DNA2: variants seen among roughly 807,000 people sequenced by gnomAD.
The protein encoded by DNA2 is DNA replication ATP-dependent helicase/nuclease DNA2.
In DNA2, 101 loss-of-function variants were observed where a neutral mutation model predicts 119.1. The observed-to-expected ratio is 0.85, with a 90% CI of 0.72 to 1.00. The LOEUF is 1.00. DNA2 is among the 50% of genes least tolerant of loss of function. The pLI is 0.00. For synonymous variants in DNA2, 366 were observed against 424.4 expected (o/e 0.86, Z 1.69); for missense variants, 1,121 against 1,255.5 (o/e 0.89, Z 1.62).
intron 14 of DNA2, among the ~76,000 whole-genome samples, chr10:68,423,099 T>C (rs1300781794): frequency 6.6e-6 from 1 of 152,160 alleles, no homozygotes; most frequent in Non-Finnish European, 1.5e-5. Flanking sequence ...CCAGACACTA[T>C]TGAACAATGC....
At chr10:68,464,684 C>A (rs1246349754) in intron 4 of DNA2, among the ~76,000 whole-genome samples, 2 of 151,514 alleles carry the variant, frequency 1.3e-5, no homozygotes, top group Non-Finnish European at 2.9e-5. Context: ...ACAAAATTAG[C>A]CAGGCGTGGT....
chr10:68,456,679 A>G (rs1337924478), intron 5 of DNA2, among the ~76,000 whole-genome samples: 1 of 152,076 alleles, frequency 6.6e-6, no homozygotes, highest in Non-Finnish European at 1.5e-5. Context: ...CCAAAAGTGC[A>G]GGGATTACAG....
chr10:68,425,220 G>A (rs1251646488), intron 14 of DNA2, among the ~76,000 whole-genome samples: 4 of 144,028 alleles, frequency 2.8e-5, no homozygotes, highest in Admixed American at 1.4e-4. Flanking sequence ...TAAGCCTCCC[G>A]AGTAGCTGGG....
chr10:68,464,397 C>T (rs1447208370), intron 4 of DNA2, among the ~76,000 whole-genome samples: 1 of 152,090 alleles, frequency 6.6e-6, no homozygotes, highest in East Asian at 1.9e-4. Flanking sequence ...TGCCTGTAAT[C>T]CCAGCTACTC....
At chr10:68,458,152 G>A (rs938992417) in intron 5 of DNA2, among the ~76,000 whole-genome samples, 1 of 149,666 alleles carries the variant, frequency 6.7e-6, no homozygotes, top group African/African-American at 2.5e-5. Context: ...CAGCCTGGGG[G>A]ACATAATGAG....
intron 4 of DNA2, among the ~76,000 whole-genome samples, chr10:68,459,965 T>A (rs1407070970): frequency 6.6e-6 from 1 of 150,650 alleles, no homozygotes; most frequent in Non-Finnish European, 1.5e-5. Context: ...AGGCAGAGGT[T>A]GCAGTGAGCT....
chr10:68,416,519 G>C, intron 20 of DNA2, 190 bp downstream of exon 20: 1 of 535,896 alleles, frequency 1.9e-6, no homozygotes, highest in Non-Finnish European at 3.4e-6. Context: ...ATTAAAAAAG[G>C]GTTATAGGCT....
At chr10:68,427,240 C>G (rs1348363844) in intron 14 of DNA2, among the ~76,000 whole-genome samples, 1 of 151,902 alleles carries the variant, frequency 6.6e-6, no homozygotes, top group East Asian at 1.9e-4. Context: ...TGCCTGTAAT[C>G]CCAGCTACTT....
intron 3 of DNA2, among the ~76,000 whole-genome samples, chr10:68,466,572 G>T (rs1004000647): frequency 6.9e-6 from 1 of 145,788 alleles, no homozygotes; most frequent in Non-Finnish European, 1.5e-5. Flanking sequence ...TCTTGTATTA[G>T]CCTAGACCTT....
intron 14 of DNA2, among the ~76,000 whole-genome samples, chr10:68,426,764 G>A (rs34735478): frequency 0.07 from 10,681 of 151,662 alleles, 559 homozygotes; most frequent in African/African-American, 0.15. Flanking sequence ...GCGTGAACCC[G>A]GGAGGCAGAG....
chr10:68,440,190 G>A (rs2133393115), intron 9 of DNA2, among the ~76,000 whole-genome samples: 1 of 151,890 alleles, frequency 6.6e-6, no homozygotes, highest in South Asian at 2.1e-4. Context: ...TGTAAACCCA[G>A]CTTCTTGGGA....
intron 5 of DNA2, among the ~76,000 whole-genome samples, chr10:68,457,525 T>C (rs1369447577): frequency 6.6e-6 from 1 of 152,158 alleles, no homozygotes; most frequent in Admixed American, 6.6e-5. Flanking sequence ...CGGCACTGCA[T>C]TAATCACAGT....
chr10:68,441,188 A>T (rs1468961133), intron 9 of DNA2, among the ~76,000 whole-genome samples: 1 of 151,598 alleles, frequency 6.6e-6, no homozygotes, highest in African/African-American at 2.4e-5. Context: ...AAGTTAGCCA[A>T]GTTTGGTGGT....
At chr10:68,470,250 G>T in intron 1 of DNA2, 87 bp from the exon 2 acceptor site, 1 of 1,173,416 alleles carries the variant, frequency 8.5e-7, no homozygotes. Context: ...CAATCTTCCA[G>T]TTTTCTAGGT....
chr10:68,433,772 A>T (rs2051852166), intron 10 of DNA2, among the ~76,000 whole-genome samples: 1 of 152,116 alleles, frequency 6.6e-6, no homozygotes, highest in African/African-American at 2.4e-5. Flanking sequence ...GATACGTAAG[A>T]CATTCTATGA....
Position 68,471,875 on chromosome 10 carries a change from G to A in DNA2, c.-11C>T. On this transcript the variant is annotated 5_prime_UTR_variant, in exon 1 of 21. Transcript: ENST00000358410. Reference sequence around the variant, plus strand: ...GTTCAGCTGCTCCATCCTGGACGCGGGGATCGCAAACTGTAGACAGAAAAG... The same window carrying A: ...GTTCAGCTGCTCCATCCTGGACGCGAGGATCGCAAACTGTAGACAGAAAAG... The A allele has an allele frequency of 1.9e-6, 3 of 1,613,976 alleles. No homozygotes were observed. Among genetic ancestry groups the A allele is most frequent in the Non-Finnish European group, 2.5e-6 (3 of 1,179,834 alleles).
intron 14 of DNA2, among the ~76,000 whole-genome samples, chr10:68,429,613 G>A (rs1267053907): frequency 2.8e-5 from 4 of 142,440 alleles, no homozygotes; most frequent in African/African-American, 7.7e-5. Context: ...TCGGAAGGCT[G>A]AGGCAGGAAA....
chr10:68,417,508 A>G (rs986323992), intron 19 of DNA2, among the ~76,000 whole-genome samples: 1 of 150,280 alleles, frequency 6.7e-6, no homozygotes, highest in Non-Finnish European at 1.5e-5. Flanking sequence ...ACAAAACTTA[A>G]CTGGGTATGG....
At chr10:68,441,571 T>C (rs1300073301) in intron 9 of DNA2, among the ~76,000 whole-genome samples, 2 of 151,120 alleles carry the variant, frequency 1.3e-5, no homozygotes, top group Admixed American at 6.6e-5. Context: ...AAGTCAGGAG[T>C]TCAAGACCAG....
Sources: allele counts gnomAD v4.1 joint callset (sites outside exome capture counted in the v4.1 genomes callset), GRCh38; gene constraint gnomAD v4.1.1; transcripts MANE v1.5; gene names NCBI Gene and HGNC (gene_info 2026-07-23, HGNC 2026-07-21).